Variants in CAMK4 observed in about 807,000 individuals in gnomAD.
CAMK4 encodes the protein calcium/calmodulin-dependent protein kinase type IV.
CAMK4 carries 22 observed loss-of-function variants against 44.9 expected under a neutral mutation model. The observed-to-expected ratio is 0.49, with a 90% CI of 0.35 to 0.70. The LOEUF is 0.70. CAMK4 is among the 30% of genes least tolerant of loss of function. The pLI is 0.01. For synonymous variants in CAMK4, 218 were observed against 215.4 expected, an observed-to-expected ratio of 1.01 and a Z score of -0.11; for missense variants, 498 against 586.8, an observed-to-expected ratio of 0.85 and a Z score of 1.56.
At chr5:111,342,026 G>A (rs1425335737) in intron 1 of CAMK4, among the ~76,000 whole-genome samples, 2 of 151,386 alleles carry the variant, frequency 1.3e-5, no homozygotes, top group African/African-American at 4.8e-5. Context: ...CTCGATTACT[G>A]TAGCTTTATA....
At chr5:111,316,056 C>CA (rs1430012097) in intron 1 of CAMK4, among the ~76,000 whole-genome samples, 1 of 152,114 alleles carries the variant, frequency 6.6e-6, no homozygotes, top group African/African-American at 2.4e-5. Context: ...TCAGGGAACT[C>CA]AAATTATTTC....
chr5:111,430,875 AC>A (rs895854472), intron 5 of CAMK4, among the ~76,000 whole-genome samples: 1 of 152,130 alleles, frequency 6.6e-6, no homozygotes, highest in African/African-American at 2.4e-5. Flanking sequence ...TGCCCTTACT[AC>A]CCAAGGCAAT....
At position 111,381,335 on chromosome 5, in the gene CAMK4, A is replaced by G. The variant is rs117819826; in HGVS notation, c.386+4393A>G. Among the ~76,000 whole-genome samples the G allele has an allele frequency of 2.6e-3, 399 of 152,300 alleles. 12 individuals carry two copies. The East Asian group carries it at 0.062, about 24-fold the overall frequency. On this transcript the variant is annotated intron_variant, in intron 4 of 10. Transcript: ENST00000282356. ...GCCACCTGCAAGCTGAGGAGCCAGG[A>G]AGCCAGTCTGAGTTCTCAAACCTCA...
intron 5 of CAMK4, among the ~76,000 whole-genome samples, chr5:111,422,784 G>A (rs184779529): frequency 4.5e-4 from 68 of 151,974 alleles, no homozygotes; most frequent in East Asian, 4.4e-3. Context: ...TCTCTTCCTG[G>A]GAGTTAGAAA....
intron 1 of CAMK4, among the ~76,000 whole-genome samples, chr5:111,261,489 AC>A (rs1749973704): frequency 6.6e-6 from 1 of 151,860 alleles, no homozygotes; most frequent in Admixed American, 6.6e-5. Flanking sequence ...GTAATCACAA[AC>A]AACCATAGCA....
chr5:111,228,257 C>T (rs768507643), intron 1 of CAMK4, among the ~76,000 whole-genome samples: 14 of 152,128 alleles, frequency 9.2e-5, no homozygotes, highest in Non-Finnish European at 1.6e-4. Flanking sequence ...TATTTTGGAA[C>T]CTTTTTTTTC....
intron 5 of CAMK4, among the ~76,000 whole-genome samples, chr5:111,407,431 G>A (rs557969491): frequency 2.0e-5 from 3 of 151,840 alleles, no homozygotes; most frequent in South Asian, 4.2e-4. Flanking sequence ...TCCTTTTGAG[G>A]TCCAGAAAGG....
chr5:111,431,849 G>A (rs1358704730), intron 5 of CAMK4, among the ~76,000 whole-genome samples: 2 of 152,114 alleles, frequency 1.3e-5, no homozygotes, highest in African/African-American at 2.4e-5. Flanking sequence ...ATACCCAGAA[G>A]ACAGGAAATA....
At position 111,493,910 on chromosome 5, in the gene CAMK4, T is replaced by C. The variant is rs1364556012; in HGVS notation, c.*9444T>C. The C allele has an allele frequency of 6.6e-6, 1 of 152,148 alleles. No individual in the cohort carries two copies. Among genetic ancestry groups the C allele is most frequent in the Non-Finnish European group, 1.5e-5 (1 of 68,014 alleles). The allele number at this position is 152,148 out of a possible 1,614,324, so 9.4% of individuals were successfully genotyped here. A position where few individuals can be genotyped will look rare whatever the true frequency, so the allele number is the denominator to read the frequency against. ...GCAAGATTGACTGTCATTTGAATGATGGAAGAGAAGTAGAATTACTGTGAG... is the reference window on the plus strand; with the variant it reads ...GCAAGATTGACTGTCATTTGAATGACGGAAGAGAAGTAGAATTACTGTGAG... On this transcript the variant is annotated 3_prime_UTR_variant, in exon 11 of 11. Coordinates refer to ENST00000282356, the MANE Select transcript of CAMK4 (RefSeq NM_001744.6). The surrounding 1 kb of genome is among the most constrained non-coding windows in gnomAD (Gnocchi z 4.1).
intron 10 of CAMK4, among the ~76,000 whole-genome samples, chr5:111,483,514 G>T (rs1245056044): frequency 6.6e-6 from 1 of 152,112 alleles, no homozygotes; most frequent in East Asian, 1.9e-4. Context: ...CAGAATTAGG[G>T]TCCTATGCAG....
intron 7 of CAMK4, among the ~76,000 whole-genome samples, chr5:111,461,225 C>G (rs1456584560): frequency 6.6e-6 from 1 of 152,180 alleles, no homozygotes; most frequent in Non-Finnish European, 1.5e-5. Flanking sequence ...AATACGTTCT[C>G]AGTCCTTCTC....
At chr5:111,323,240 G>A (rs1748737011) in intron 1 of CAMK4, among the ~76,000 whole-genome samples, 1 of 151,970 alleles carries the variant, frequency 6.6e-6, no homozygotes, top group South Asian at 2.1e-4. Context: ...AATCTTAAAA[G>A]GAACCATGAA....
rs1470954246 is a variant in CAMK4 at position 111,490,324 on chromosome 5, A to C, written c.*5858A>C. Reference sequence around the variant, plus strand: ...TGTAAAGGTACAGTTAAGCATAACTATAGGCTGGGCGTGATAGTTCATGCC... The same window carrying C: ...TGTAAAGGTACAGTTAAGCATAACTCTAGGCTGGGCGTGATAGTTCATGCC... On this transcript the variant is annotated 3_prime_UTR_variant, in exon 11 of 11. Transcript: ENST00000282356. 2.6e-5 allele frequency: 4 copies of C among 152,200 alleles called. No homozygotes were observed. The highest frequency in any genetic ancestry group is 9.6e-5 in the African/African-American group (4 of 41,454). 9.4% of individuals were successfully genotyped at this position (152,200 alleles called of 1,614,324 possible).
chr5:111,398,449 A>G (rs915070276), intron 5 of CAMK4, among the ~76,000 whole-genome samples: 2 of 151,974 alleles, frequency 1.3e-5, no homozygotes, highest in Non-Finnish European at 2.9e-5. Context: ...TTTTTCTACT[A>G]TCTGTTCTGG....
intron 1 of CAMK4, among the ~76,000 whole-genome samples, chr5:111,276,961 A>G (rs1285593537): frequency 6.6e-6 from 1 of 152,188 alleles, no homozygotes; most frequent in African/African-American, 2.4e-5. Context: ...TTTGATCTTA[A>G]AATTGCTGTT....
intron 5 of CAMK4, among the ~76,000 whole-genome samples, chr5:111,410,270 G>A (rs1352605562): frequency 6.6e-6 from 1 of 152,184 alleles, no homozygotes. Flanking sequence ...GGGGAAGCAA[G>A]ACATATCTCA....
At chr5:111,298,573 C>T (rs530575257) in intron 1 of CAMK4, among the ~76,000 whole-genome samples, 7 of 152,162 alleles carry the variant, frequency 4.6e-5, no homozygotes, top group South Asian at 2.1e-4. Context: ...ACCTGCATAA[C>T]GGGGAGCCAC....
rs1747196858 is a variant in CAMK4 at position 111,290,567 on chromosome 5, A to C, written c.162-53457A>C. On this transcript the variant is annotated intron_variant, in intron 1 of 10. Transcript: ENST00000282356. This position sits in a 1 kb window ranked among gnomAD's most constrained non-coding sequence, Gnocchi z 4.5. ...AAACTGCTGCTCAGAACCATCCATC[A>C]GAGGCCAGGATGCGGGGCAGAGCCA... Among the ~76,000 whole-genome samples the C allele has an allele frequency of 6.6e-6, 1 of 152,228 alleles. No individual in the cohort carries two copies. The highest frequency in any genetic ancestry group is 2.4e-5 in the African/African-American group (1 of 41,460).
chr5:111,257,539 C>T (rs910953640), intron 1 of CAMK4, among the ~76,000 whole-genome samples: 2 of 152,180 alleles, frequency 1.3e-5, no homozygotes, highest in Non-Finnish European at 2.9e-5. Flanking sequence ...TGCTTTTACA[C>T]TGTTGGTGGG....
Sources: allele counts gnomAD v4.1 joint callset (sites outside exome capture counted in the v4.1 genomes callset), GRCh38; gene constraint gnomAD v4.1.1; non-coding constraint Gnocchi (gnomAD v3.1); transcripts MANE v1.5; gene names NCBI Gene and HGNC (gene_info 2026-07-23, HGNC 2026-07-21).